ATP1A1: variants seen among roughly 807,000 people sequenced by gnomAD.
ATP1A1 encodes the protein ATPase Na+/K+ transporting subunit alpha 1.
ATP1A1 carries 14 observed loss-of-function variants against 114.8 expected under a neutral mutation model. The ratio of observed to expected loss-of-function variants is 0.12; its 90% CI spans 0.08 to 0.19. The LOEUF (loss-of-function observed/expected upper bound fraction) is 0.19, where lower values mean the gene tolerates loss of function less well. Ranked by LOEUF, ATP1A1 falls within the 10% of genes least tolerant of loss-of-function variation. The pLI is 1.00. For synonymous variants in ATP1A1, 471 were observed against 466.3 expected (o/e 1.01, Z -0.13); for missense variants, 524 against 1,290.7 (o/e 0.41, Z 9.10).
rs752766501 is a variant in ATP1A1, at chr1:116,392,999, C to A, written c.1467+11C>A. On this transcript the variant is annotated intron_variant, in intron 11 of 22. Transcript: ENST00000295598. ...ACCAACAAGTACCAGGTCTGAAGAT[C>A]GATGGGTACACGGAGGGCGAGGGCA... 1.9e-6 allele frequency: 3 copies of A among 1,613,516 alleles called. No homozygotes were observed. In the Admixed American group the frequency reaches 5.0e-5, roughly 27 times the overall value.
At chr1:116,391,916 C>T (rs1327025966) in intron 10 of ATP1A1, among the ~76,000 whole-genome samples, 1 of 152,128 alleles carries the variant, frequency 6.6e-6, no homozygotes, top group South Asian at 2.1e-4. Context: ...GGCATTATTA[C>T]TAAAAAGCGG....
chr1:116,387,560 C>G lies in ATP1A1; in HGVS notation c.387+69C>G, dbSNP rs537185795. ...ATATCTTCTCCGTCTTTGTCTCCCA[C>G]TTCTTCTCAATTACCACTCATTACT... On this transcript the variant is annotated intron_variant, in intron 4 of 22. Coordinates refer to ENST00000295598, the MANE Select transcript of ATP1A1 (RefSeq NM_000701.8). This position sits in a 1 kb window ranked among gnomAD's most constrained non-coding sequence, Gnocchi z 6.7. The G allele has an allele frequency of 1.6e-5, 24 of 1,526,166 alleles. No homozygotes were observed. Among genetic ancestry groups the G allele is most frequent in the Non-Finnish European group, 2.1e-5 (23 of 1,110,232 alleles). 94.5% of individuals were successfully genotyped at this position (1,526,166 alleles called of 1,614,324 possible).
Position 116,397,667 on chromosome 1 carries a change from C to T in ATP1A1, c.1974-221C>T, listed in dbSNP as rs993890351. On this transcript the variant is annotated intron_variant, in intron 14 of 22. Coordinates refer to ENST00000295598, the MANE Select transcript of ATP1A1 (RefSeq NM_000701.8). The surrounding 1 kb of genome is among the most constrained non-coding windows in gnomAD (Gnocchi z 4.2). ...AGGGAAAGGAAGAATACAGACAGGC[C>T]TGCCTTAGAGATCATCATGAGCCTC... is the stretch of plus-strand genomic sequence containing the variant. 2.0e-5 allele frequency among the ~76,000 whole-genome samples: 3 copies of T among 152,126 alleles called. No homozygotes were observed. Among genetic ancestry groups the T allele is most frequent in the Non-Finnish European group, 4.4e-5 (3 of 68,018 alleles).
At position 116,393,704 on chromosome 1, in the gene ATP1A1, C is replaced by T; in HGVS notation, c.1641C>T (p.Gly547=). 1.2e-6 allele frequency: 2 copies of T among 1,613,284 alleles called. No homozygotes were observed. The highest frequency in any genetic ancestry group is 1.7e-6 in the Non-Finnish European group (2 of 1,179,920). The change falls in exon 12 of 23, where the codon GGC becomes GGT. Residue 547 remains glycine (G), a synonymous_variant. Coordinates refer to ENST00000295598, the MANE Select transcript of ATP1A1 (RefSeq NM_000701.8). This position sits in a 1 kb window ranked among gnomAD's most constrained non-coding sequence, Gnocchi z 5.0. ...AFQNAYLELG[G]LGERVLGFCH... is the part of the protein sequence containing the mutation. ...AGAACGCCTATTTGGAGCTGGGGGG[C>T]CTCGGAGAACGAGTCCTAGGTATGC...
chr1:116,395,014 A>G lies in ATP1A1; in HGVS notation c.1661-96A>G. The stretch of plus-strand genomic sequence containing the variant: ...ACTTTAAAAATTTTCCAAAGTAAAC[A>G]CTCCAGAGAAAGGTAGGCGGGCTGA... On this transcript the variant is annotated intron_variant, in intron 12 of 22. Transcript: ENST00000295598. The surrounding 1 kb of genome is among the most constrained non-coding windows in gnomAD (Gnocchi z 6.4). 2 of 1,287,496 alleles carry G rather than the reference A, an allele frequency of 1.6e-6. No individual in the cohort carries two copies. Among genetic ancestry groups the G allele is most frequent in the Admixed American group, 2.5e-5 (1 of 39,948 alleles). 79.8% of individuals were successfully genotyped at this position (1,287,496 alleles called of 1,614,324 possible). A position where few individuals can be genotyped will look rare whatever the true frequency, so the allele number is the denominator to read the frequency against.
intron 1 of ATP1A1, among the ~76,000 whole-genome samples, chr1:116,375,092 G>A (rs147385785): frequency 7.2e-4 from 110 of 152,256 alleles, no homozygotes; most frequent in African/African-American, 2.5e-3. Context: ...CTGTAAACAT[G>A]CACTTTAAAG....
chr1:116,377,368 C>T (rs892175242), intron 1 of ATP1A1, among the ~76,000 whole-genome samples: 4 of 152,126 alleles, frequency 2.6e-5, no homozygotes, highest in African/African-American at 7.2e-5. Context: ...GTTTGTTGTT[C>T]GTCAGTAAGT....
rs766019595 is a variant in ATP1A1 at position 116,387,270 on chromosome 1, T to C, written c.184-18T>C. On this transcript the variant is annotated intron_variant, in intron 3 of 22. Transcript: ENST00000295598. The surrounding 1 kb of genome is among the most constrained non-coding windows in gnomAD (Gnocchi z 6.7). ...GTGCTGGTACAGTTTGCCTTATTTA[T>C]ATTCCACTGCTTCTCAGGGATTAAC... 6 of 1,613,584 alleles carry C rather than the reference T, an allele frequency of 3.7e-6. No homozygotes were observed. The Admixed American group carries it at 5.0e-5, about 13-fold the overall frequency.
chr1:116,404,445 C>T lies in ATP1A1; in HGVS notation c.*1C>T. 1 of 1,611,500 alleles carries T rather than the reference C, an allele frequency of 6.2e-7. No individual in the cohort carries two copies. Among genetic ancestry groups the T allele is most frequent in the Middle Eastern group, 1.7e-4 (1 of 6,046 alleles). On this transcript the variant is annotated 3_prime_UTR_variant, in exon 23 of 23. Coordinates refer to ENST00000295598, the MANE Select transcript of ATP1A1 (RefSeq NM_000701.8). This position sits in a 1 kb window ranked among gnomAD's most constrained non-coding sequence, Gnocchi z 4.8. ...GGTGGAGAAGGAAACCTACTATTAG[C>T]CCCCCGTCCTGCACGCCGTGGAGCA...
Position 116,403,995 on chromosome 1 carries a change from C to CTTTG in ATP1A1, c.3043+21_3043+24dup. The CTTTG allele has an allele frequency of 6.2e-7, 1 of 1,609,834 alleles. No individual in the cohort carries two copies. The highest frequency in any genetic ancestry group is 8.5e-7 in the Non-Finnish European group (1 of 1,176,596). ...CTGGCGGTAATTATGGGCATTCTGA[C>CTTTG]TTTGGTTGGAGGAGGAGTGGGAGGG... On this transcript the variant is annotated intron_variant, in intron 22 of 22. Coordinates refer to ENST00000295598, the MANE Select transcript of ATP1A1 (RefSeq NM_000701.8).
In ATP1A1 at chr1:116,401,819, C is replaced by CT. The variant is rs1653503668; in HGVS notation, c.2951+165dup. 1.5e-6 allele frequency: 1 copy of CT among 661,958 alleles called. No individual in the cohort carries two copies. Among genetic ancestry groups the CT allele is most frequent in the African/African-American group, 1.8e-5 (1 of 55,006 alleles). 41.0% of individuals were successfully genotyped at this position (661,958 alleles called of 1,614,324 possible). A position where few individuals can be genotyped will look rare whatever the true frequency, so the allele number is the denominator to read the frequency against. On this transcript the variant is annotated intron_variant, in intron 21 of 22. Transcript: ENST00000295598. This position sits in a 1 kb window ranked among gnomAD's most constrained non-coding sequence, Gnocchi z 4.7. ...AAGCTTGACATGTCAGTAAATCAGACTAACAAATCCTGAGGCTTCCATGAT... is the reference window on the plus strand; with the variant it reads ...AAGCTTGACATGTCAGTAAATCAGACTTAACAAATCCTGAGGCTTCCATGAT...
At chr1:116,400,738 A>G in intron 18 of ATP1A1, 123 bp from the exon 19 acceptor site, 1 of 1,236,404 alleles carries the variant, frequency 8.1e-7, no homozygotes, top group Admixed American at 2.2e-5. Flanking sequence ...CTGTGCTTTT[A>G]TCAACCAGGG....
rs1652633882 is a variant in ATP1A1 at position 116,393,429 on chromosome 1, T to C, written c.1468-102T>C. ...GAGTTCAGAAAGAAGGGATCTTGGG[T>C]CTTTTATAGCAAATACTAAATAGTA... On this transcript the variant is annotated intron_variant, in intron 11 of 22. Coordinates refer to ENST00000295598, the MANE Select transcript of ATP1A1 (RefSeq NM_000701.8). This position sits in a 1 kb window ranked among gnomAD's most constrained non-coding sequence, Gnocchi z 5.0. The C allele has an allele frequency of 7.7e-7, 1 of 1,295,780 alleles. No homozygotes were observed. Among genetic ancestry groups the C allele is most frequent in the African/African-American group, 1.5e-5 (1 of 67,264 alleles). 80.3% of individuals were successfully genotyped at this position (1,295,780 alleles called of 1,614,324 possible).
At chr1:116,390,440 C>A (rs1292604232) in intron 9 of ATP1A1, 29 bp downstream of exon 9, 2 of 1,578,364 alleles carry the variant, frequency 1.3e-6, no homozygotes, top group Admixed American at 1.8e-5. Flanking sequence ...CACACCTCAG[C>A]CACCTGCTGA....
chr1:116,373,885 G>C, intron 1 of ATP1A1: 2 of 1,294,678 alleles, frequency 1.5e-6, no homozygotes, highest in Non-Finnish European at 2.0e-6. Context: ...GGGCGGCCCC[G>C]GGACTGAGCC....
chr1:116,399,792 C>A lies in ATP1A1; in HGVS notation c.2572+249C>A, dbSNP rs1368323973. On this transcript the variant is annotated intron_variant, in intron 18 of 22. Coordinates refer to ENST00000295598, the MANE Select transcript of ATP1A1 (RefSeq NM_000701.8). This position sits in a 1 kb window ranked among gnomAD's most constrained non-coding sequence, Gnocchi z 5.0. ...ATACTGAGCACCTTGGAACTGGGCTCAACTCTGCCTGAGAAATGAGGATGT... is the reference window on the plus strand; with the variant it reads ...ATACTGAGCACCTTGGAACTGGGCTAAACTCTGCCTGAGAAATGAGGATGT... Among the ~76,000 whole-genome samples, 1 of 152,200 alleles carries A rather than the reference C, an allele frequency of 6.6e-6. No individual in the cohort carries two copies. The highest frequency in any genetic ancestry group is 1.5e-5 in the Non-Finnish European group (1 of 68,034).
intron 1 of ATP1A1, chr1:116,374,339 A>AT (rs1055706813): frequency 3.4e-4 from 529 of 1,534,840 alleles, no homozygotes; most frequent in Non-Finnish European, 4.4e-4. Flanking sequence ...AGGCGTGCAG[A>AT]TTTTTTTTGA....
chr1:116,382,105 G>A (rs577117792), intron 1 of ATP1A1, among the ~76,000 whole-genome samples: 3 of 152,260 alleles, frequency 2.0e-5, no homozygotes, highest in East Asian at 3.9e-4. Flanking sequence ...ACCCTTGGGC[G>A]GAGGTTGCAG....
chr1:116,376,013 T>C (rs1320582602), intron 1 of ATP1A1, among the ~76,000 whole-genome samples: 1 of 152,220 alleles, frequency 6.6e-6, no homozygotes, highest in Admixed American at 6.5e-5. Context: ...TTTTTTTCTT[T>C]CTGGGTTTTA....
Sources: gnomAD v4.1 joint callset for allele counts (sites outside exome capture counted in the v4.1 genomes callset) on GRCh38, gnomAD v4.1.1 for gene constraint, Gnocchi (gnomAD v3.1) non-coding constraint, MANE v1.5 for transcripts, NCBI Gene and HGNC (gene_info 2026-07-23, HGNC 2026-07-21) for gene names.